COL24A1: variants seen among roughly 807,000 people sequenced by gnomAD.
COL24A1 encodes the protein collagen type XXIV alpha 1 chain.
A neutral mutation model predicts 253.9 loss-of-function variants in COL24A1; 224 were observed. The observed-to-expected ratio is 0.88, with a 90% CI of 0.79 to 0.99. The LOEUF (loss-of-function observed/expected upper bound fraction) is 0.99. COL24A1 is among the 50% of genes least tolerant of loss of function. COL24A1 has a pLI of 0.00. For synonymous variants in COL24A1, 685 were observed against 673.7 expected (o/e 1.02, Z -0.26); for missense variants, 2,131 against 2,068.5 (o/e 1.03, Z -0.59).
At chr1:86,118,510 T>G (rs572292430) in intron 3 of COL24A1, among the ~76,000 whole-genome samples, 1 of 152,344 alleles carries the variant, frequency 6.6e-6, no homozygotes, top group South Asian at 2.1e-4. Context: ...TCAGTTAATG[T>G]TGGAAATCCT....
intron 19 of COL24A1, among the ~76,000 whole-genome samples, chr1:86,013,416 T>C (rs1696713320): frequency 1.3e-5 from 2 of 152,208 alleles, no homozygotes; most frequent in African/African-American, 4.8e-5. Flanking sequence ...AGGAGAATCA[T>C]ATAACTGATC....
In COL24A1 at chr1:85,911,428, AG is replaced by A. The variant is rs1685353097; in HGVS notation, c.2567del (p.Pro856LeufsTer10). 2 of 1,612,050 alleles carry A rather than the reference AG, an allele frequency of 1.2e-6. No homozygotes were observed. Among genetic ancestry groups the A allele is most frequent in the East Asian group, 2.2e-5 (1 of 44,820 alleles). ...GNIGKIGETG[P>X]VGLPGEVGMT... ...TCCCAACTTCTCCAGGTAAGCCAAC[AG>A]GTCCCTTTTAGGAAAAAAAAATAAC... On this transcript the variant is annotated frameshift_variant, in exon 25 of 60. Coordinates refer to ENST00000370571, the MANE Select transcript of COL24A1 (RefSeq NM_152890.7). LOFTEE classifies it high-confidence loss of function.
intron 47 of COL24A1, among the ~76,000 whole-genome samples, chr1:85,809,550 G>T (rs1672317310): frequency 6.6e-6 from 1 of 151,782 alleles, no homozygotes; most frequent in African/African-American, 2.4e-5. Flanking sequence ...AATAGTTTGG[G>T]GGCACATCAG....
chr1:85,744,795 C>T lies in COL24A1; in HGVS notation c.4543G>A (p.Glu1515Lys). Reference sequence around the variant, plus strand: ...TAGTTCAGGGTTTTGAATATCTCTTCACTGTGGTCAATTAAAGTCACTTCA... The same window carrying T: ...TAGTTCAGGGTTTTGAATATCTCTTTACTGTGGTCAATTAAAGTCACTTCA... ...NTEVTLIDHSEEIFKTLNYLS... is the reference protein window; with the variant it reads ...NTEVTLIDHSKEIFKTLNYLS... Residue 1515 changes from glutamate to lysine, a missense_variant, in exon 57 of 60, where the codon GAA (glutamate) becomes AAA (lysine). Coordinates refer to ENST00000370571, the MANE Select transcript of COL24A1 (RefSeq NM_152890.7). The T allele has an allele frequency of 6.2e-7, 1 of 1,610,464 alleles. No homozygotes were observed. The highest frequency in any genetic ancestry group is 8.5e-7 in the Non-Finnish European group (1 of 1,178,808).
chr1:85,962,567 T>C (rs1289313968), intron 23 of COL24A1, among the ~76,000 whole-genome samples: 1 of 152,144 alleles, frequency 6.6e-6, no homozygotes, highest in Non-Finnish European at 1.5e-5. Flanking sequence ...TTTCAAATAA[T>C]GGATTATGAA....
chr1:85,786,523 C>T, intron 47 of COL24A1, 62 bp from the exon 48 acceptor site: 2 of 1,469,618 alleles, frequency 1.4e-6, no homozygotes, highest in Non-Finnish European at 1.9e-6. Context: ...TTTAGAGGCT[C>T]AATAAAATGT....
intron 47 of COL24A1, 115 bp from the exon 48 acceptor site, chr1:85,786,576 C>T: frequency 1.4e-6 from 1 of 700,916 alleles, no homozygotes. Context: ...ACATACTGCC[C>T]AGGAGTTATC....
chr1:85,876,170 T>C (rs12739425), intron 33 of COL24A1, among the ~76,000 whole-genome samples: 29,426 of 151,430 alleles, frequency 0.19, 3,222 homozygotes, highest in Non-Finnish European at 0.24. Context: ...ATTATAGGAG[T>C]TGGAGGAGAC....
At chr1:85,894,111 C>A (rs923975539) in intron 31 of COL24A1, among the ~76,000 whole-genome samples, 1 of 152,134 alleles carries the variant, frequency 6.6e-6, no homozygotes, top group African/African-American at 2.4e-5. Context: ...ACCTTTGGGG[C>A]TTGTCTGGCT....
At chr1:85,992,587 G>C (rs983787611) in intron 19 of COL24A1, among the ~76,000 whole-genome samples, 4 of 151,890 alleles carry the variant, frequency 2.6e-5, no homozygotes, top group Non-Finnish European at 5.9e-5. Context: ...ATTTCAGAAA[G>C]CTTACAGATT....
chr1:85,885,264 G>A (rs558035789), intron 32 of COL24A1, among the ~76,000 whole-genome samples: 1 of 151,668 alleles, frequency 6.6e-6, no homozygotes, highest in East Asian at 1.9e-4. Context: ...GCAGTGGCGC[G>A]ATCTCGGCTC....
Position 85,999,523 on chromosome 1 carries a change from T to C in COL24A1, c.2311-11869A>G, listed in dbSNP as rs376773250. On this transcript the variant is annotated intron_variant, in intron 19 of 59. Coordinates refer to ENST00000370571, the MANE Select transcript of COL24A1 (RefSeq NM_152890.7). Reference sequence around the variant, plus strand: ...CTGTGGTCCAAGCTATTTGAGACGTTGAGGTGGGAGGACTGCTTGAGCCTG... The same window carrying C: ...CTGTGGTCCAAGCTATTTGAGACGTCGAGGTGGGAGGACTGCTTGAGCCTG... 2.2e-4 allele frequency among the ~76,000 whole-genome samples: 33 copies of C among 152,030 alleles called. 2 individuals carry two copies. In the East Asian group the frequency reaches 6.2e-3, roughly 28 times the overall value.
At chr1:86,151,650 T>TC (rs1281837515) in intron 1 of COL24A1, among the ~76,000 whole-genome samples, 1 of 152,192 alleles carries the variant, frequency 6.6e-6, no homozygotes, top group Non-Finnish European at 1.5e-5. Flanking sequence ...TAATACCCAT[T>TC]CCAGGCATCG....
chr1:85,896,105 G>C, intron 29 of COL24A1, 40 bp from the exon 30 acceptor site: 1 of 1,593,258 alleles, frequency 6.3e-7, no homozygotes, highest in Non-Finnish European at 8.6e-7. Context: ...GTAAGAATGT[G>C]AATTATGGTC....
At chr1:85,961,514 C>G (rs984499871) in intron 23 of COL24A1, among the ~76,000 whole-genome samples, 1 of 152,128 alleles carries the variant, frequency 6.6e-6, no homozygotes, top group Admixed American at 6.6e-5. Context: ...TACCCCAGAA[C>G]TTAAAATAAA....
intron 43 of COL24A1, among the ~76,000 whole-genome samples, chr1:85,837,042 A>T (rs1475884993): frequency 6.6e-6 from 1 of 152,220 alleles, no homozygotes; most frequent in Non-Finnish European, 1.5e-5. Flanking sequence ...GGTTTTCCCG[A>T]GACTGTGTGA....
chr1:85,884,066 T>C (rs979429814), intron 32 of COL24A1, among the ~76,000 whole-genome samples: 1 of 152,210 alleles, frequency 6.6e-6, no homozygotes, highest in African/African-American at 2.4e-5. Flanking sequence ...TCTGAAGAAC[T>C]TCTTTTAACA....
intron 37 of COL24A1, among the ~76,000 whole-genome samples, chr1:85,851,024 C>T (rs201418137): frequency 1.4e-5 from 2 of 146,048 alleles, no homozygotes; most frequent in South Asian, 2.1e-4. Flanking sequence ...TATATATCTA[C>T]ATATATATAT....
intron 32 of COL24A1, among the ~76,000 whole-genome samples, chr1:85,881,266 TCAA>T (rs1681806205): frequency 6.6e-6 from 1 of 152,120 alleles, no homozygotes; most frequent in African/African-American, 2.4e-5. Flanking sequence ...TCAAATCAAA[TCAA>T]ATCAAACCTA....
Sources: gnomAD v4.1 joint callset for allele counts (sites outside exome capture counted in the v4.1 genomes callset) on GRCh38, gnomAD v4.1.1 for gene constraint, MANE v1.5 for transcripts, NCBI Gene and HGNC (gene_info 2026-07-23, HGNC 2026-07-21) for gene names.